ODAD2: variants seen among roughly 807,000 people sequenced by gnomAD.
ODAD2 encodes outer dynein arm-docking complex subunit 2.
ODAD2 carries 89 observed loss-of-function variants against 106.8 expected under a neutral mutation model. The ratio of observed to expected loss-of-function variants is 0.83; its 90% CI spans 0.70 to 0.99. The LOEUF (loss-of-function observed/expected upper bound fraction) is 0.99. ODAD2 is among the 50% of genes least tolerant of loss of function. The probability of loss-of-function intolerance (pLI) is 0.00; values close to 1 mark genes in which losing one functional copy is unlikely to be tolerated. For missense variants in ODAD2, 1,168 were observed against 1,238.5 expected, an observed-to-expected ratio of 0.94 and a Z score of 0.85; for synonymous variants, 404 against 436.2, an observed-to-expected ratio of 0.93 and a Z score of 0.92.
chr10:27,929,707 T>A (rs1845481943), intron 16 of ODAD2, among the ~76,000 whole-genome samples: 2 of 152,190 alleles, frequency 1.3e-5, no homozygotes, highest in South Asian at 4.1e-4. Context: ...AATGTGAAAT[T>A]CTCAGGCAAT....
At chr10:27,880,992 T>C (rs907462978) in intron 17 of ODAD2, among the ~76,000 whole-genome samples, 8 of 152,032 alleles carry the variant, frequency 5.3e-5, no homozygotes, top group African/African-American at 1.7e-4. Context: ...AGTGAAAAAA[T>C]TGGGGAGCAC....
intron 16 of ODAD2, among the ~76,000 whole-genome samples, chr10:27,913,648 T>C (rs79398066): frequency 0.029 from 4,375 of 152,168 alleles, 72 homozygotes; most frequent in Non-Finnish European, 0.046. Context: ...AAAAGCTGAA[T>C]AACCCCATTG....
intron 16 of ODAD2, among the ~76,000 whole-genome samples, chr10:27,909,488 G>C (rs1035335563): frequency 6.6e-6 from 1 of 152,116 alleles, no homozygotes; most frequent in Non-Finnish European, 1.5e-5. Flanking sequence ...TAGCTATAAT[G>C]AGTGAGGATT....
intron 17 of ODAD2, among the ~76,000 whole-genome samples, chr10:27,870,924 C>T (rs182356108): frequency 2.0e-4 from 30 of 152,318 alleles, no homozygotes; most frequent in Admixed American, 1.4e-3. Context: ...CTTGAGGAAT[C>T]GCCACACTGT....
chr10:27,904,322 A>G (rs552023349), intron 17 of ODAD2: 73 of 321,298 alleles, frequency 2.3e-4, no homozygotes, highest in South Asian at 1.8e-3. Flanking sequence ...CGCGGGGAAC[A>G]TGGCGTCATG....
intron 19 of ODAD2, among the ~76,000 whole-genome samples, chr10:27,850,791 A>C (rs1839202911): frequency 6.6e-6 from 1 of 152,226 alleles, no homozygotes; most frequent in Non-Finnish European, 1.5e-5. Flanking sequence ...AACAAAAGAC[A>C]GTGATTCTTG....
intron 16 of ODAD2, among the ~76,000 whole-genome samples, chr10:27,917,970 G>T (rs1844513404): frequency 6.6e-6 from 1 of 151,256 alleles, no homozygotes; most frequent in Non-Finnish European, 1.5e-5. Context: ...ACCCAAGAAG[G>T]AATTGAAAAT....
chr10:27,910,207 C>T (rs1843900419), intron 16 of ODAD2, among the ~76,000 whole-genome samples: 1 of 152,140 alleles, frequency 6.6e-6, no homozygotes, highest in African/African-American at 2.4e-5. Context: ...TCTGCAATAG[C>T]TCCTTGAGAT....
intron 9 of ODAD2, among the ~76,000 whole-genome samples, chr10:27,963,878 C>T (rs189226987): frequency 1.6e-4 from 24 of 152,182 alleles, no homozygotes; most frequent in African/African-American, 5.5e-4. Flanking sequence ...TTTTAATTCT[C>T]TCAACAATCT....
chr10:27,974,733 G>T (rs1849085237), intron 7 of ODAD2, among the ~76,000 whole-genome samples: 2 of 129,262 alleles, frequency 1.5e-5, no homozygotes, highest in African/African-American at 2.9e-5. Flanking sequence ...ATTCTTTTCT[G>T]GTTCCATATG....
intron 19 of ODAD2, among the ~76,000 whole-genome samples, chr10:27,846,075 A>G (rs1838725643): frequency 6.6e-6 from 1 of 152,218 alleles, no homozygotes; most frequent in South Asian, 2.1e-4. Flanking sequence ...AAGTGGACCT[A>G]ATAGACATCC....
rs564848396 is a variant in ODAD2 at position 27,983,785 on chromosome 10, T to A, written c.819+58A>T. On this transcript the variant is annotated intron_variant, in intron 6 of 19. Coordinates refer to ENST00000305242, the MANE Select transcript of ODAD2 (RefSeq NM_018076.5). ...GTCATTGGGACACACCCTTGAGACATCTACAGCTAACAATCAAAGTCCACT... is the reference window on the plus strand; with the variant it reads ...GTCATTGGGACACACCCTTGAGACAACTACAGCTAACAATCAAAGTCCACT... 7 of 1,521,680 alleles carry A rather than the reference T, an allele frequency of 4.6e-6. No individual in the cohort carries two copies. In the African/African-American group the frequency reaches 8.2e-5, roughly 18 times the overall value. The allele number at this position is 1,521,680 out of a possible 1,614,324, so 94.3% of individuals were successfully genotyped here.
intron 14 of ODAD2, among the ~76,000 whole-genome samples, chr10:27,937,525 T>C (rs1846079535): frequency 6.6e-6 from 1 of 152,138 alleles, no homozygotes; most frequent in Non-Finnish European, 1.5e-5. Context: ...TTTATTCAAA[T>C]ATGCTTATCC....
intron 10 of ODAD2, 101 bp from the exon 11 acceptor site, chr10:27,945,063 G>A: frequency 7.2e-7 from 1 of 1,390,718 alleles, no homozygotes; most frequent in Admixed American, 1.8e-5. Flanking sequence ...ATGTCTCTGA[G>A]TGGGCTAGAA....
intron 17 of ODAD2, among the ~76,000 whole-genome samples, chr10:27,898,157 T>C (rs888844238): frequency 6.6e-6 from 1 of 152,176 alleles, no homozygotes; most frequent in Non-Finnish European, 1.5e-5. Context: ...GACATTTAAA[T>C]ATAGATTTTC....
intron 9 of ODAD2, among the ~76,000 whole-genome samples, chr10:27,967,520 A>G (rs1335916067): frequency 6.6e-6 from 1 of 152,022 alleles, no homozygotes; most frequent in African/African-American, 2.4e-5. Flanking sequence ...AAAACCTGCT[A>G]TTTCAATTCC....
chr10:27,918,909 A>T (rs1590017727), intron 16 of ODAD2, among the ~76,000 whole-genome samples: 1 of 103,740 alleles, frequency 9.6e-6, no homozygotes, highest in African/African-American at 5.7e-5. Flanking sequence ...CATTACTTGT[A>T]AAAAAAAAAA....
chr10:27,935,113 C>T lies in ODAD2; in HGVS notation c.2392G>A (p.Gly798Ser). 1.2e-6 allele frequency: 2 copies of T among 1,613,944 alleles called. 1 individual carries two copies. The highest frequency in any genetic ancestry group is 2.2e-5 in the South Asian group (2 of 91,072). ...ENRVIVRKCG[G>S]IQPLVNLLVG... is the part of the protein sequence containing the mutation. ...AGGAGGTTCACAAGTGGTTGAATGCCACCACATTTCCGGACAATGACTCGG... is the reference window on the plus strand; with the variant it reads ...AGGAGGTTCACAAGTGGTTGAATGCTACCACATTTCCGGACAATGACTCGG... Residue 798 changes from glycine to serine, a missense_variant, in exon 16 of 20, where the codon GGC (glycine) becomes AGC (serine). By Grantham distance (56) the Gly-to-Ser change is moderately conservative. Around this residue, in one of 3 missense-constraint regions of ODAD2, gnomAD observed 701 missense variants for 712.3 expected, o/e 0.98. Coordinates refer to ENST00000305242, the MANE Select transcript of ODAD2 (RefSeq NM_018076.5).
At chr10:27,883,924 A>T (rs1841906226) in intron 17 of ODAD2, among the ~76,000 whole-genome samples, 2 of 151,754 alleles carry the variant, frequency 1.3e-5, no homozygotes, top group Admixed American at 1.3e-4. Context: ...AGCTTCAGAG[A>T]CCTGGGGGAC....
Sources: gnomAD v4.1 joint callset for allele counts (sites outside exome capture counted in the v4.1 genomes callset) on GRCh38, gnomAD v4.1.1 for gene constraint, gnomAD v4.1.1 regional missense constraint, MANE v1.5 for transcripts, NCBI Gene and HGNC (gene_info 2026-07-23, HGNC 2026-07-21) for gene names.